The following HRH1 variants were observed in gnomAD, a reference collection of about 807,000 sequenced individuals.
The protein encoded by HRH1 is histamine receptor H1.
HRH1 carries 6 observed loss-of-function variants against 10.3 expected under a neutral mutation model. The ratio of observed to expected loss-of-function variants is 0.58; its 90% CI spans 0.32 to 1.15. The LOEUF (loss-of-function observed/expected upper bound fraction) is 1.15, where lower values mean the gene tolerates loss of function less well. Ranked by LOEUF, HRH1 falls within the 50% of genes most tolerant of loss-of-function variation. The pLI is 0.05. For synonymous variants in HRH1, 242 were observed against 236.7 expected, an observed-to-expected ratio of 1.02 and a Z score of -0.21; for missense variants, 514 against 615.3, an observed-to-expected ratio of 0.84 and a Z score of 1.74.
intron 1 of HRH1, among the ~76,000 whole-genome samples, chr3:11,252,026 T>A (rs1399185044): frequency 6.6e-6 from 1 of 152,332 alleles, no homozygotes; most frequent in East Asian, 1.9e-4. Context: ...AAAGATGGAA[T>A]GGCTGCTTAG....
intron 1 of HRH1, among the ~76,000 whole-genome samples, chr3:11,212,165 G>A (rs1168847993): frequency 3.3e-5 from 5 of 152,160 alleles, no homozygotes; most frequent in Non-Finnish European, 5.9e-5. Flanking sequence ...AATTGCGACA[G>A]GAATAAGGAC....
chr3:11,204,187 A>G (rs1938034298), intron 1 of HRH1, among the ~76,000 whole-genome samples: 1 of 152,200 alleles, frequency 6.6e-6, no homozygotes, highest in African/African-American at 2.4e-5. Context: ...ACAGACATGA[A>G]TGGGACCTAC....
chr3:11,234,102 G>A (rs62248185), intron 1 of HRH1, among the ~76,000 whole-genome samples: 13,222 of 152,090 alleles, frequency 0.087, 685 homozygotes, highest in South Asian at 0.16. Context: ...GTGTCAAGAG[G>A]TCAAGACCCC....
At chr3:11,200,127 G>A (rs1459264864) in intron 1 of HRH1, among the ~76,000 whole-genome samples, 4 of 152,160 alleles carry the variant, frequency 2.6e-5, no homozygotes, top group Non-Finnish European at 5.9e-5. Context: ...CCGGGGCTGT[G>A]GCAGCCATCT....
chr3:11,228,097 T>C (rs970147051), intron 1 of HRH1, among the ~76,000 whole-genome samples: 4 of 152,326 alleles, frequency 2.6e-5, no homozygotes, highest in South Asian at 2.1e-4. Flanking sequence ...GGGTCAGAAC[T>C]GTGGTGCGTT....
At chr3:11,180,736 T>C (rs1937335515) in intron 1 of HRH1, among the ~76,000 whole-genome samples, 1 of 145,882 alleles carries the variant, frequency 6.9e-6, no homozygotes, top group Admixed American at 6.8e-5. Flanking sequence ...TTTTGTCACT[T>C]AGCATAATGT....
chr3:11,157,186 C>T (rs559972916), intron 1 of HRH1, among the ~76,000 whole-genome samples: 5 of 152,238 alleles, frequency 3.3e-5, no homozygotes, highest in East Asian at 3.9e-4. Context: ...CCCTTAGAAC[C>T]GAGAGACCCT....
chr3:11,263,320 T>C lies in HRH1; in HGVS notation c.*2819T>C, dbSNP rs1242490410. On this transcript the variant is annotated 3_prime_UTR_variant, in exon 2 of 2. Transcript: ENST00000431010. ...ACTGCATGGACTTCCAGGAGGTGGA[T>C]TTAATAGTCTTAACTCAGCATGAAA... 6.0e-6 allele frequency: 1 copy of C among 167,080 alleles called. No individual in the cohort carries two copies. The highest frequency in any genetic ancestry group is 1.5e-5 in the Non-Finnish European group (1 of 68,114). 10.3% of individuals were successfully genotyped at this position (167,080 alleles called of 1,614,324 possible). A position where few individuals can be genotyped will look rare whatever the true frequency, so the allele number is the denominator to read the frequency against.
At chr3:11,252,205 G>T (rs1292704239) in intron 1 of HRH1, among the ~76,000 whole-genome samples, 1 of 152,186 alleles carries the variant, frequency 6.6e-6, no homozygotes, top group East Asian at 1.9e-4. Flanking sequence ...GGCAGTATCT[G>T]ACTAATCCTC....
At chr3:11,215,917 C>G (rs924723744) in intron 1 of HRH1, among the ~76,000 whole-genome samples, 2 of 151,410 alleles carry the variant, frequency 1.3e-5, no homozygotes, top group African/African-American at 4.9e-5. Context: ...TTTTTTTTAA[C>G]TTAAACAAGT....
chr3:11,182,323 A>C (rs989241604), intron 1 of HRH1, among the ~76,000 whole-genome samples: 1 of 152,142 alleles, frequency 6.6e-6, no homozygotes, highest in Non-Finnish European at 1.5e-5. Flanking sequence ...CCCTTATCAG[A>C]TATATAGGGT....
At chr3:11,155,974 A>G (rs1574978584) in intron 1 of HRH1, among the ~76,000 whole-genome samples, 1 of 152,328 alleles carries the variant, frequency 6.6e-6, no homozygotes, top group Non-Finnish European at 1.5e-5. Flanking sequence ...GGTCCATGAC[A>G]GAATTGGGGT....
chr3:11,182,906 C>A (rs1339157001), intron 1 of HRH1, among the ~76,000 whole-genome samples: 1 of 152,344 alleles, frequency 6.6e-6, no homozygotes, highest in East Asian at 1.9e-4. Context: ...TCTTTTGCTG[C>A]CACACCTTGC....
intron 1 of HRH1, among the ~76,000 whole-genome samples, chr3:11,199,358 C>T (rs1451946504): frequency 2.6e-5 from 4 of 152,174 alleles, no homozygotes; most frequent in Non-Finnish European, 2.9e-5. Context: ...GTCCCGGGAG[C>T]TGCCTTATTT....
intron 1 of HRH1, among the ~76,000 whole-genome samples, chr3:11,231,633 TC>T (rs1262940331): frequency 6.6e-6 from 1 of 152,246 alleles, no homozygotes; most frequent in African/African-American, 2.4e-5. Context: ...ATCTGTATCA[TC>T]TGTTTGATGA....
intron 1 of HRH1, among the ~76,000 whole-genome samples, chr3:11,155,676 AGGTGCCTGAATAACTCATTTCATGATTGC>A (rs1236089136): frequency 6.6e-6 from 1 of 152,188 alleles, no homozygotes; most frequent in Non-Finnish European, 1.5e-5. Context: ...TCAGGCTGGA[AGGTGCCTGAATAACTCATTTCATGATTGC>A]GGGGCCAGAA....
chr3:11,225,725 G>A (rs571324268), intron 1 of HRH1, among the ~76,000 whole-genome samples: 19 of 152,248 alleles, frequency 1.2e-4, no homozygotes, highest in South Asian at 6.2e-4. Flanking sequence ...TCGCTCTGTC[G>A]CCCAGGCTGG....
At chr3:11,201,955 A>G (rs1176937116) in intron 1 of HRH1, among the ~76,000 whole-genome samples, 1 of 152,150 alleles carries the variant, frequency 6.6e-6, no homozygotes, top group African/African-American at 2.4e-5. Flanking sequence ...CTGTCTCCAC[A>G]TACTCCCCCC....
At chr3:11,202,809 T>C (rs1937979771) in intron 1 of HRH1, among the ~76,000 whole-genome samples, 1 of 152,250 alleles carries the variant, frequency 6.6e-6, no homozygotes, top group Admixed American at 6.5e-5. Flanking sequence ...CTCTTGATGT[T>C]GCACTTTCTG....
Sources: allele counts gnomAD v4.1 joint callset (sites outside exome capture counted in the v4.1 genomes callset), GRCh38; gene constraint gnomAD v4.1.1; transcripts MANE v1.5; gene names NCBI Gene and HGNC (gene_info 2026-07-23, HGNC 2026-07-21).